FHIT: variants seen among roughly 807,000 people sequenced by gnomAD.
The protein encoded by FHIT is fragile histidine triad diadenosine triphosphatase.
Under a neutral mutation model 17.9 loss-of-function variants are expected in FHIT, and 19 were observed. The ratio of observed to expected loss-of-function variants is 1.06; its 90% CI spans 0.74 to 1.56. FHIT has a LOEUF of 1.56. FHIT is among the 40% of genes most tolerant of loss of function. The probability of loss-of-function intolerance (pLI) is 0.00; values close to 1 mark genes in which losing one functional copy is unlikely to be tolerated. For synonymous variants in FHIT, 81 were observed against 69.7 expected (o/e 1.16, Z -0.81); for missense variants, 248 against 189.2 (o/e 1.31, Z -1.82).
At chr3:60,816,920 A>G (rs1701760783) in intron 4 of FHIT, among the ~76,000 whole-genome samples, 1 of 151,896 alleles carries the variant, frequency 6.6e-6, no homozygotes, top group Non-Finnish European at 1.5e-5. Context: ...TAGAGCTGCA[A>G]GTTTATTATA....
chr3:60,466,439 T>G (rs1202613003), intron 5 of FHIT, among the ~76,000 whole-genome samples: 1 of 152,080 alleles, frequency 6.6e-6, no homozygotes, highest in African/African-American at 2.4e-5. Context: ...AAAGTGAGCA[T>G]GTTTGTCTCA....
intron 5 of FHIT, among the ~76,000 whole-genome samples, chr3:60,241,959 G>C (rs1340561664): frequency 6.6e-6 from 1 of 152,046 alleles, no homozygotes; most frequent in Non-Finnish European, 1.5e-5. Flanking sequence ...CTCCTAGGTA[G>C]AGAAAAATTG....
At chr3:61,220,463 A>G (rs2039807279) in intron 1 of FHIT, among the ~76,000 whole-genome samples, 1 of 152,230 alleles carries the variant, frequency 6.6e-6, no homozygotes, top group South Asian at 2.1e-4. Flanking sequence ...TTCAATTTAT[A>G]TGTATGCATT....
chr3:60,973,579 T>G (rs1710116278), intron 3 of FHIT, among the ~76,000 whole-genome samples: 1 of 152,196 alleles, frequency 6.6e-6, no homozygotes, highest in South Asian at 2.1e-4. Context: ...TTAAGCTATT[T>G]CCACTTTAGA....
chr3:59,998,347 A>T (rs1475695376), intron 7 of FHIT, among the ~76,000 whole-genome samples: 1 of 152,100 alleles, frequency 6.6e-6, no homozygotes, highest in East Asian at 1.9e-4. Context: ...TCTTCACAAA[A>T]TATGCCCAGG....
intron 5 of FHIT, among the ~76,000 whole-genome samples, chr3:60,498,894 T>C (rs941901099): frequency 2.6e-5 from 4 of 152,208 alleles, no homozygotes; most frequent in Non-Finnish European, 5.9e-5. Context: ...CTAAGGGTAT[T>C]GTTAATTGGT....
intron 4 of FHIT, among the ~76,000 whole-genome samples, chr3:60,736,711 T>C (rs2042139868): frequency 1.3e-5 from 2 of 152,352 alleles, no homozygotes; most frequent in South Asian, 2.1e-4. Flanking sequence ...TAGAATTAGA[T>C]AGTGGTAATG....
At chr3:60,452,191 T>C (rs917983560) in intron 5 of FHIT, among the ~76,000 whole-genome samples, 4 of 152,000 alleles carry the variant, frequency 2.6e-5, no homozygotes, top group Admixed American at 6.6e-5. Flanking sequence ...AACTCTAAGG[T>C]AAAAAAATGC....
intron 8 of FHIT, among the ~76,000 whole-genome samples, chr3:59,774,188 C>A (rs1278908568): frequency 6.6e-6 from 1 of 152,176 alleles, no homozygotes; most frequent in Non-Finnish European, 1.5e-5. Context: ...GGCCAGGTGC[C>A]TGATTTGGTA....
At chr3:60,846,869 C>T (rs1553746675) in intron 3 of FHIT, among the ~76,000 whole-genome samples, 1 of 151,882 alleles carries the variant, frequency 6.6e-6, no homozygotes, top group East Asian at 1.9e-4. Flanking sequence ...TGTCGCCCAG[C>T]CTGGAGTGCA....
intron 5 of FHIT, among the ~76,000 whole-genome samples, chr3:60,423,548 C>T (rs1387000628): frequency 6.6e-6 from 1 of 152,114 alleles, no homozygotes; most frequent in African/African-American, 2.4e-5. Context: ...GTTTAAAGAA[C>T]AGCCTAAACT....
At chr3:60,470,080 C>CTCTCTCTCTCTCTCT (rs370993192) in intron 5 of FHIT, among the ~76,000 whole-genome samples, 21 of 151,080 alleles carry the variant, frequency 1.4e-4, no homozygotes, top group South Asian at 4.2e-4. Flanking sequence ...CTCTCTCTCT[C>CTCTCTCTCTCTCTCT]CAGAGCTGCC....
intron 4 of FHIT, among the ~76,000 whole-genome samples, chr3:60,735,222 C>CCATTTATCCATGAT (rs1226945487): frequency 2.0e-5 from 3 of 151,962 alleles, no homozygotes; most frequent in Non-Finnish European, 2.9e-5. Flanking sequence ...TGATCAAGGC[C>CCATTTATCCATGAT]CAAGGAAAAA....
intron 5 of FHIT, among the ~76,000 whole-genome samples, chr3:60,261,703 G>T (rs1374328848): frequency 6.6e-6 from 1 of 151,972 alleles, no homozygotes; most frequent in African/African-American, 2.4e-5. Context: ...ATGACGTTCA[G>T]GACACCCCAC....
intron 4 of FHIT, among the ~76,000 whole-genome samples, chr3:60,561,944 GAAAC>G (rs1395928453): frequency 2.8e-5 from 4 of 141,542 alleles, no homozygotes; most frequent in East Asian, 2.5e-4. Context: ...GAGAAAGAGA[GAAAC>G]AGAGAGAGAG....
At chr3:60,139,952 T>C (rs980249690) in intron 5 of FHIT, among the ~76,000 whole-genome samples, 1 of 152,014 alleles carries the variant, frequency 6.6e-6, no homozygotes, top group African/African-American at 2.4e-5. Context: ...TGAAACCCTG[T>C]CTCTACTAAA....
At chr3:60,377,500 A>G (rs1576564636) in intron 5 of FHIT, among the ~76,000 whole-genome samples, 1 of 67,262 alleles carries the variant, frequency 1.5e-5, no homozygotes, top group Non-Finnish European at 2.7e-5. Flanking sequence ...TTTGAGACGG[A>G]GTCTCGCTCT....
rs544406211 is a variant in FHIT at position 59,958,421 on chromosome 3, C to T, written c.280-36007G>A. 9.9e-5 allele frequency among the ~76,000 whole-genome samples: 15 copies of T among 152,202 alleles called. No homozygotes were observed. The East Asian group carries it at 2.1e-3, about 22-fold the overall frequency. On this transcript the variant is annotated intron_variant, in intron 7 of 9. Coordinates refer to ENST00000492590, the MANE Select transcript of FHIT (RefSeq NM_002012.4). ...GGTCTCACTCAAATGGCATAGGCTA[C>T]GGCAGAAAGGTAGGCAATTCCTCTT... is the stretch of plus-strand genomic sequence containing the variant.
chr3:60,218,186 G>A (rs940571938), intron 5 of FHIT, among the ~76,000 whole-genome samples: 4 of 152,060 alleles, frequency 2.6e-5, no homozygotes, highest in Non-Finnish European at 4.4e-5. Flanking sequence ...GGGATTCTGA[G>A]ATCGAAAAGT....
Sources: gnomAD v4.1 joint callset for allele counts (sites outside exome capture counted in the v4.1 genomes callset) on GRCh38, gnomAD v4.1.1 for gene constraint, MANE v1.5 for transcripts, NCBI Gene and HGNC (gene_info 2026-07-23, HGNC 2026-07-21) for gene names.